DOCK7: variants seen among roughly 807,000 people sequenced by gnomAD.
The protein encoded by DOCK7 is dedicator of cytokinesis 7.
DOCK7 carries 138 observed loss-of-function variants against 271.0 expected under a neutral mutation model. The ratio of observed to expected loss-of-function variants is 0.51; its 90% confidence interval spans 0.44 to 0.59. DOCK7 has a LOEUF of 0.59. Ranked by LOEUF, DOCK7 falls within the 20% of genes least tolerant of loss-of-function variation. DOCK7 has a pLI of 0.00. For synonymous variants in DOCK7, 823 were observed against 876.1 expected (o/e 0.94, Z 1.07); for missense variants, 2,066 against 2,592.4 (o/e 0.80, Z 4.41).
intron 33 of DOCK7, 144 bp downstream of exon 33, chr1:62,513,300 C>G: frequency 3.2e-6 from 1 of 308,256 alleles, no homozygotes; most frequent in South Asian, 8.8e-5. Flanking sequence ...AGAATTCTAA[C>G]TTTTATTACT....
chr1:62,583,225 T>C lies in DOCK7; in HGVS notation c.1830A>G (p.Glu610=), dbSNP rs751416721. 1 of 1,613,442 alleles carries C rather than the reference T, an allele frequency of 6.2e-7. No homozygotes were observed. Among genetic ancestry groups the C allele is most frequent in the Non-Finnish European group, 8.5e-7 (1 of 1,179,664 alleles). The change falls in exon 16 of 50, where the codon GAA becomes GAG. Residue 610 remains glutamate (E), a synonymous_variant. Transcript: ENST00000635253. ...CGGCTGTATAGGCTTCCTTTGAAAATTCTGAACAGCTAGATTTACCAAAGA... is the reference window on the plus strand; with the variant it reads ...CGGCTGTATAGGCTTCCTTTGAAAACTCTGAACAGCTAGATTTACCAAAGA... ...PVIFGKSSCS[E]FSKEAYTAVV... is the part of the protein sequence containing the mutation.
chr1:62,517,773 T>C (rs1644709485), intron 31 of DOCK7, among the ~76,000 whole-genome samples: 1 of 152,172 alleles, frequency 6.6e-6, no homozygotes, highest in South Asian at 2.1e-4. Context: ...TATATATTGC[T>C]AGAACCACAC....
chr1:62,547,786 A>G (rs1645759565), intron 22 of DOCK7, among the ~76,000 whole-genome samples: 1 of 152,194 alleles, frequency 6.6e-6, no homozygotes, highest in Non-Finnish European at 1.5e-5. Flanking sequence ...GAAGTCTCAC[A>G]AATATTTTCA....
At chr1:62,579,007 G>A in intron 16 of DOCK7, 41 bp from the exon 17 acceptor site, 5 of 1,481,950 alleles carry the variant, frequency 3.4e-6, no homozygotes, top group Non-Finnish European at 4.5e-6. Flanking sequence ...TCAGTAATTT[G>A]TCCAAAATAA....
intron 10 of DOCK7, among the ~76,000 whole-genome samples, chr1:62,632,911 A>G (rs1654801136): frequency 6.6e-6 from 1 of 152,028 alleles, no homozygotes; most frequent in Non-Finnish European, 1.5e-5. Context: ...CAGGAAGCGG[A>G]GGTTGCAGTG....
intron 40 of DOCK7, among the ~76,000 whole-genome samples, chr1:62,493,426 T>C (rs1217082652): frequency 1.3e-5 from 2 of 152,204 alleles, no homozygotes; most frequent in Non-Finnish European, 2.9e-5. Flanking sequence ...TGTGTATGGG[T>C]TTCCAGATCA....
At chr1:62,638,546 AAT>A (rs1343876788) in intron 7 of DOCK7, among the ~76,000 whole-genome samples, 3 of 147,864 alleles carry the variant, frequency 2.0e-5, no homozygotes, top group African/African-American at 7.4e-5. Context: ...TATTTTCATG[AAT>A]ATATATATTT....
chr1:62,561,998 G>A (rs1646338285), intron 18 of DOCK7, among the ~76,000 whole-genome samples: 1 of 151,006 alleles, frequency 6.6e-6, no homozygotes, highest in Non-Finnish European at 1.5e-5. Context: ...GTACATATAT[G>A]TACATATATA....
At chr1:62,543,823 A>T in intron 23 of DOCK7, 78 bp from the exon 24 acceptor site, 1 of 1,009,200 alleles carries the variant, frequency 9.9e-7, no homozygotes, top group African/African-American at 1.6e-5. Context: ...TGGATTATGT[A>T]CAAGTTTAAA....
chr1:62,570,453 A>G (rs1039413893), intron 18 of DOCK7, among the ~76,000 whole-genome samples: 1 of 152,222 alleles, frequency 6.6e-6, no homozygotes, highest in African/African-American at 2.4e-5. Flanking sequence ...GGAAGAATCA[A>G]TATCGTGAAA....
At chr1:62,617,742 T>C (rs567705407) in intron 14 of DOCK7, among the ~76,000 whole-genome samples, 4 of 152,170 alleles carry the variant, frequency 2.6e-5, no homozygotes, top group Non-Finnish European at 5.9e-5. Context: ...TTTTTTAATG[T>C]AGCAATTATA....
chr1:62,683,750 C>A (rs1013534263), intron 1 of DOCK7, among the ~76,000 whole-genome samples: 2 of 151,936 alleles, frequency 1.3e-5, no homozygotes, highest in African/African-American at 4.8e-5. Context: ...GCCTGGGCAA[C>A]ATGGCGAAAA....
intron 31 of DOCK7, among the ~76,000 whole-genome samples, chr1:62,525,010 CTA>C (rs1346374533): frequency 6.9e-6 from 1 of 144,952 alleles, no homozygotes; most frequent in Non-Finnish European, 1.5e-5. Flanking sequence ...AACTCTCTAT[CTA>C]TACATTTTTT....
In DOCK7 at chr1:62,495,577, C is replaced by T. The variant is rs375790201; in HGVS notation, c.5024+4G>A. 1.4e-5 allele frequency: 22 copies of T among 1,554,662 alleles called. No individual in the cohort carries two copies. Among genetic ancestry groups the T allele is most frequent in the Admixed American group, 4.4e-5 (2 of 45,282 alleles). On this transcript the variant is annotated splice_donor_region_variant and intron_variant, in intron 39 of 49. Transcript: ENST00000635253. ...AAAGCATAAATGAATCAAATAAATG[C>T]TACCTGTACATTAGATCAATCAACA...
At chr1:62,671,906 C>G (rs1660052935) in intron 1 of DOCK7, among the ~76,000 whole-genome samples, 1 of 151,162 alleles carries the variant, frequency 6.6e-6, no homozygotes, top group Non-Finnish European at 1.5e-5. Context: ...ACTTTCAAGC[C>G]CTACTATTAC....
At chr1:62,643,936 C>T (rs572410685) in intron 7 of DOCK7, among the ~76,000 whole-genome samples, 1 of 151,860 alleles carries the variant, frequency 6.6e-6, no homozygotes, top group East Asian at 1.9e-4. Context: ...CAAATGAATC[C>T]TTTTAAAAAT....
chr1:62,505,300 A>G (rs1240910217), intron 36 of DOCK7, among the ~76,000 whole-genome samples: 1 of 152,188 alleles, frequency 6.6e-6, no homozygotes, highest in African/African-American at 2.4e-5. Context: ...TCATAAAATA[A>G]TTTCAGTGGG....
At chr1:62,643,985 A>AT (rs1357065212) in intron 7 of DOCK7, among the ~76,000 whole-genome samples, 1 of 151,796 alleles carries the variant, frequency 6.6e-6, no homozygotes, top group Non-Finnish European at 1.5e-5. Context: ...TTCCTTTATA[A>AT]TATTTTAAAA....
At chr1:62,535,798 T>G (rs554333985) in intron 28 of DOCK7, among the ~76,000 whole-genome samples, 166 bp from the exon 29 acceptor site, 1 of 152,222 alleles carries the variant, frequency 6.6e-6, no homozygotes, top group Non-Finnish European at 1.5e-5. Context: ...GAAACTATGA[T>G]GAGATTGCTT....
Sources: gnomAD v4.1 joint callset for allele counts (sites outside exome capture counted in the v4.1 genomes callset) on GRCh38, gnomAD v4.1.1 for gene constraint, MANE v1.5 for transcripts, NCBI Gene and HGNC (gene_info 2026-07-23, HGNC 2026-07-21) for gene names.